GPC6: variants seen among roughly 807,000 people sequenced by gnomAD.
GPC6 encodes glypican 6, also known as glypican-6.
A neutral mutation model predicts 55.2 loss-of-function variants in GPC6; 14 were observed. That is an observed-to-expected ratio of 0.25 (90% CI 0.17 to 0.40). The LOEUF is 0.40. GPC6 is among the 10% of genes least tolerant of loss of function. The probability of loss-of-function intolerance (pLI) is 1.00; values close to 1 mark genes in which losing one functional copy is unlikely to be tolerated. For missense variants in GPC6, 641 were observed against 708.5 expected, an observed-to-expected ratio of 0.90 and a Z score of 1.08; for synonymous variants, 278 against 259.6, an observed-to-expected ratio of 1.07 and a Z score of -0.68.
chr13:94,312,062 TA>T (rs1019465254), intron 6 of GPC6, among the ~76,000 whole-genome samples: 1 of 152,214 alleles, frequency 6.6e-6, no homozygotes, highest in Non-Finnish European at 1.5e-5. Context: ...CCTGAAGAGT[TA>T]TCACTTCCTT....
chr13:93,608,212 C>CT (rs11340602), intron 2 of GPC6, among the ~76,000 whole-genome samples: 292 of 145,412 alleles, frequency 2.0e-3, no homozygotes, highest in East Asian at 8.2e-3. Context: ...TCTTCCAGAA[C>CT]TTTTTTTTTT....
At chr13:93,624,048 ATAT>A (rs1879084497) in intron 2 of GPC6, among the ~76,000 whole-genome samples, 1 of 152,054 alleles carries the variant, frequency 6.6e-6, no homozygotes, top group Non-Finnish European at 1.5e-5. Context: ...CTTTGTATTA[ATAT>A]TATAAGAAAT....
intron 2 of GPC6, among the ~76,000 whole-genome samples, chr13:93,616,814 A>G (rs377612971): frequency 6.6e-6 from 1 of 152,118 alleles, no homozygotes; most frequent in Non-Finnish European, 1.5e-5. Flanking sequence ...TGAACATTCA[A>G]CACCATTGAC....
rs9561362 is a variant in GPC6, at chr13:93,483,180, C to T, written c.161-62083C>T. ...ATTTTAGCAAGGGCATGGAGACATA[C>T]GTAGTTTGATTTCTCATAATTAAAT... On this transcript the variant is annotated intron_variant, in intron 1 of 8. Transcript: ENST00000377047. Among the ~76,000 whole-genome samples, 1,034 of 152,202 alleles carry T rather than the reference C, an allele frequency of 6.8e-3. 66 individuals are homozygous for T. The East Asian group carries it at 0.16, about 24-fold the overall frequency.
intron 5 of GPC6, among the ~76,000 whole-genome samples, chr13:94,295,758 T>G (rs1875298810): frequency 6.6e-6 from 1 of 152,192 alleles, no homozygotes; most frequent in South Asian, 2.1e-4. Context: ...TGACAGGTTG[T>G]TTGGTCCCTT....
chr13:93,770,496 A>G (rs1342970955), intron 2 of GPC6, among the ~76,000 whole-genome samples: 1 of 152,134 alleles, frequency 6.6e-6, no homozygotes, highest in East Asian at 1.9e-4. Flanking sequence ...GTGTTATATC[A>G]TCTTCTTCCA....
intron 2 of GPC6, among the ~76,000 whole-genome samples, chr13:93,589,506 G>T (rs1296698000): frequency 6.6e-6 from 1 of 151,974 alleles, no homozygotes; most frequent in African/African-American, 2.4e-5. Context: ...CAAATCACAG[G>T]AAATCATTGT....
At chr13:94,390,238 G>A (rs953160560) in intron 7 of GPC6, among the ~76,000 whole-genome samples, 2 of 152,118 alleles carry the variant, frequency 1.3e-5, no homozygotes. Context: ...GCCGTCTTGA[G>A]GACAATATTG....
At chr13:94,175,675 G>T (rs73547940) in intron 4 of GPC6, among the ~76,000 whole-genome samples, 1 of 151,564 alleles carries the variant, frequency 6.6e-6, no homozygotes, top group African/African-American at 2.4e-5. Flanking sequence ...TAGTATAGCT[G>T]GTCTTTTTAA....
At chr13:93,363,117 G>GTTTTTTTTTTTTT (rs199840187) in intron 1 of GPC6, among the ~76,000 whole-genome samples, 2 of 126,042 alleles carry the variant, frequency 1.6e-5, no homozygotes, top group East Asian at 2.3e-4. Flanking sequence ...CTTTTTTTTT[G>GTTTTTTTTTTTTT]TTTTTTTTTT....
intron 2 of GPC6, among the ~76,000 whole-genome samples, chr13:93,699,861 C>G (rs1882607405): frequency 6.6e-6 from 1 of 151,966 alleles, no homozygotes; most frequent in African/African-American, 2.4e-5. Flanking sequence ...AGAAATCTTT[C>G]CTAATGACAT....
At chr13:94,051,741 T>A (rs989152582) in intron 4 of GPC6, among the ~76,000 whole-genome samples, 1 of 152,198 alleles carries the variant, frequency 6.6e-6, no homozygotes, top group Non-Finnish European at 1.5e-5. Flanking sequence ...TCTGTGGCAC[T>A]TTCAACATGG....
intron 4 of GPC6, among the ~76,000 whole-genome samples, chr13:94,262,621 C>T (rs1213436042): frequency 2.7e-5 from 4 of 145,476 alleles, no homozygotes; most frequent in Non-Finnish European, 6.0e-5. Flanking sequence ...TGCAGTGAGA[C>T]GAGATCGTGC....
intron 2 of GPC6, among the ~76,000 whole-genome samples, chr13:93,821,649 G>A (rs1444481049): frequency 1.3e-5 from 2 of 152,188 alleles, no homozygotes; most frequent in Non-Finnish European, 2.9e-5. Context: ...CATTTTGGAA[G>A]TGGAAACATA....
In GPC6 at chr13:93,788,515, CTT is replaced by C. The variant is rs1427892803; in HGVS notation, c.320-41637_320-41636del. Among the ~76,000 whole-genome samples, 46 of 80,028 alleles carry C rather than the reference CTT, an allele frequency of 5.7e-4. No individual in the cohort carries two copies. In the East Asian group the frequency reaches 0.028, roughly 49 times the overall value. The allele number at this position is 80,028 out of a possible 152,430, so 52.5% of individuals were successfully genotyped here. On this transcript the variant is annotated intron_variant, in intron 2 of 8. Transcript: ENST00000377047. ...TGCCCTATTCTGTTCATTGTTCACT[CTT>C]TACACACACACACACACACACACAC...
intron 5 of GPC6, among the ~76,000 whole-genome samples, chr13:94,288,030 A>G (rs1892578947): frequency 6.6e-6 from 1 of 152,056 alleles, no homozygotes; most frequent in Non-Finnish European, 1.5e-5. Flanking sequence ...TTCATTCATC[A>G]AATATTTTTT....
intron 1 of GPC6, among the ~76,000 whole-genome samples, chr13:93,536,120 G>A (rs953220644): frequency 6.6e-6 from 1 of 152,084 alleles, no homozygotes; most frequent in African/African-American, 2.4e-5. Flanking sequence ...CAAGGAATTA[G>A]GTTGCCAGGC....
chr13:93,310,950 A>G (rs113935631), intron 1 of GPC6, among the ~76,000 whole-genome samples: 22 of 152,242 alleles, frequency 1.4e-4, no homozygotes, highest in Non-Finnish European at 2.8e-4. Flanking sequence ...AGTTTATACT[A>G]TAATGAGGAC....
Position 93,227,357 on chromosome 13 carries a change from G to T in GPC6, c.-100G>T. The T allele has an allele frequency of 8.2e-7, 1 of 1,223,404 alleles. No homozygotes were observed. The highest frequency in any genetic ancestry group is 1.2e-6 in the Non-Finnish European group (1 of 854,432). The allele number at this position is 1,223,404 out of a possible 1,614,324, so 75.8% of individuals were successfully genotyped here. ...GAAGGGGGTGACGCTGGGCAGCGGCGAGGAGCGCGCCGCTGCCTCTGGCGG... is the reference window on the plus strand; with the variant it reads ...GAAGGGGGTGACGCTGGGCAGCGGCTAGGAGCGCGCCGCTGCCTCTGGCGG... On this transcript the variant is annotated 5_prime_UTR_variant, in exon 1 of 9. Transcript: ENST00000377047. This position sits in a 1 kb window ranked among gnomAD's most constrained non-coding sequence, Gnocchi z 4.3.
Sources: allele counts gnomAD v4.1 joint callset (sites outside exome capture counted in the v4.1 genomes callset), GRCh38; gene constraint gnomAD v4.1.1; non-coding constraint Gnocchi (gnomAD v3.1); transcripts MANE v1.5; gene names NCBI Gene and HGNC (gene_info 2026-07-23, HGNC 2026-07-21).